HTR1F: variants seen among roughly 807,000 people sequenced by gnomAD.
The protein encoded by HTR1F is 5-hydroxytryptamine (serotonin) receptor 1F, G protein-coupled.
A neutral mutation model predicts 24.0 loss-of-function variants in HTR1F; 17 were observed. The ratio of observed to expected loss-of-function variants is 0.71; its 90% confidence interval spans 0.48 to 1.06. The LOEUF is 1.06. Ranked by LOEUF, HTR1F falls within the 50% of genes least tolerant of loss-of-function variation. HTR1F has a pLI of 0.00. For synonymous variants in HTR1F, 186 were observed against 156.8 expected, an observed-to-expected ratio of 1.19 and a Z score of -1.39; for missense variants, 391 against 427.8, an observed-to-expected ratio of 0.91 and a Z score of 0.76.
chr3:87,909,414 T>G (rs1354201279), intron 2 of HTR1F, among the ~76,000 whole-genome samples: 2 of 151,972 alleles, frequency 1.3e-5, no homozygotes, highest in Non-Finnish European at 2.9e-5. Flanking sequence ...GTGAAAAAAG[T>G]CAACTCGTTA....
rs1054204267 is a variant in HTR1F, at chr3:87,881,895, A to G, written c.-43+59771A>G. 5.6e-4 allele frequency among the ~76,000 whole-genome samples: 85 copies of G among 152,224 alleles called. 3 individuals are homozygous for G. Among genetic ancestry groups the G allele is most frequent in the Non-Finnish European group, 5.9e-5 (4 of 68,048 alleles). Reference sequence around the variant, plus strand: ...AAACTAAAGAGCTTCTGCACAGCAAAAGAAACTACCATCAGAGTGAACAGG... The same window carrying G: ...AAACTAAAGAGCTTCTGCACAGCAAGAGAAACTACCATCAGAGTGAACAGG... On this transcript the variant is annotated intron_variant, in intron 2 of 2. Coordinates refer to ENST00000319595, the MANE Select transcript of HTR1F (RefSeq NM_001322209.2).
At chr3:87,982,768 GTT>G (rs1444635079) in intron 2 of HTR1F, among the ~76,000 whole-genome samples, 2 of 152,272 alleles carry the variant, frequency 1.3e-5, no homozygotes, top group South Asian at 4.1e-4. Flanking sequence ...GCCACTATGT[GTT>G]TCCCATTTCC....
intron 2 of HTR1F, among the ~76,000 whole-genome samples, chr3:87,982,041 G>A (rs548835634): frequency 1.3e-5 from 2 of 152,006 alleles, no homozygotes; most frequent in East Asian, 3.9e-4. Context: ...TCATGTCCAA[G>A]CTTTCCGAGT....
chr3:87,925,522 A>G (rs1704105011), intron 2 of HTR1F, among the ~76,000 whole-genome samples: 1 of 152,142 alleles, frequency 6.6e-6, no homozygotes, highest in Admixed American at 6.6e-5. Context: ...GCATGGGCAT[A>G]GTGAAATAAA....
At chr3:87,850,114 A>G (rs1367824601) in intron 2 of HTR1F, among the ~76,000 whole-genome samples, 1 of 151,982 alleles carries the variant, frequency 6.6e-6, no homozygotes, top group Non-Finnish European at 1.5e-5. Flanking sequence ...CTGGGTATAT[A>G]CCCAAAGGAT....
intron 2 of HTR1F, among the ~76,000 whole-genome samples, chr3:87,884,981 T>C (rs1294366341): frequency 6.6e-6 from 1 of 152,124 alleles, no homozygotes; most frequent in Admixed American, 6.6e-5. Flanking sequence ...CAGCTCTGCA[T>C]CAAGCAGACC....
At chr3:87,950,981 C>A (rs1704821323) in intron 2 of HTR1F, among the ~76,000 whole-genome samples, 1 of 152,056 alleles carries the variant, frequency 6.6e-6, no homozygotes, top group Non-Finnish European at 1.5e-5. Context: ...TCCTTCCTGG[C>A]CCTATTTTGT....
intron 2 of HTR1F, among the ~76,000 whole-genome samples, chr3:87,953,887 C>A (rs1293424949): frequency 6.6e-6 from 1 of 151,718 alleles, no homozygotes; most frequent in Non-Finnish European, 1.5e-5. Flanking sequence ...TTTGCAGCAA[C>A]ATGGATGAAA....
At chr3:87,990,650 G>A in intron 2 of HTR1F, 58 bp from the exon 3 acceptor site, 1 of 804,106 alleles carries the variant, frequency 1.2e-6, no homozygotes, top group Non-Finnish European at 2.0e-6. Context: ...TATTCTGAAA[G>A]GAAGAGAAAA....
intron 1 of HTR1F, among the ~76,000 whole-genome samples, chr3:87,807,159 T>TA (rs1704087093): frequency 6.6e-6 from 1 of 151,998 alleles, no homozygotes; most frequent in Non-Finnish European, 1.5e-5. Context: ...TCTATTTCTG[T>TA]AAAAAATCTC....
intron 2 of HTR1F, among the ~76,000 whole-genome samples, chr3:87,925,947 T>C (rs1182006488): frequency 4.6e-5 from 7 of 152,204 alleles, no homozygotes; most frequent in Non-Finnish European, 8.8e-5. Flanking sequence ...AATGTAGTTA[T>C]GTATTTGTTG....
intron 2 of HTR1F, among the ~76,000 whole-genome samples, chr3:87,853,703 C>A (rs1390589231): frequency 6.6e-6 from 1 of 152,066 alleles, no homozygotes; most frequent in East Asian, 1.9e-4. Context: ...GTTTCTTTTC[C>A]TCTGCAACGT....
intron 2 of HTR1F, among the ~76,000 whole-genome samples, chr3:87,837,287 C>T (rs1704702180): frequency 6.6e-6 from 1 of 152,004 alleles, no homozygotes; most frequent in Admixed American, 6.6e-5. Flanking sequence ...CTCAGTTCTG[C>T]TTTTCTCTGT....
intron 2 of HTR1F, among the ~76,000 whole-genome samples, chr3:87,920,416 A>G (rs1703989212): frequency 6.6e-6 from 1 of 151,994 alleles, no homozygotes; most frequent in Non-Finnish European, 1.5e-5. Context: ...AAAAACAAGC[A>G]TATCTCTGAA....
At chr3:87,866,037 T>G (rs2107240911) in intron 2 of HTR1F, among the ~76,000 whole-genome samples, 1 of 152,344 alleles carries the variant, frequency 6.6e-6, no homozygotes, top group Admixed American at 6.5e-5. Flanking sequence ...AAATTTTTCC[T>G]GTCCTAAGTT....
intron 2 of HTR1F, among the ~76,000 whole-genome samples, chr3:87,960,051 A>G (rs1369790612): frequency 2.6e-5 from 4 of 151,984 alleles, no homozygotes; most frequent in Admixed American, 2.6e-4. Context: ...TTAAAAAACA[A>G]TAATTCTCAG....
At chr3:87,938,666 G>C (rs1184615846) in intron 2 of HTR1F, among the ~76,000 whole-genome samples, 1 of 152,014 alleles carries the variant, frequency 6.6e-6, no homozygotes, top group Non-Finnish European at 1.5e-5. Context: ...TTTAACAAAA[G>C]TGACAAAAAC....
chr3:87,795,267 A>T (rs1559585763), intron 1 of HTR1F, among the ~76,000 whole-genome samples: 2 of 152,222 alleles, frequency 1.3e-5, no homozygotes, highest in African/African-American at 4.8e-5. Flanking sequence ...TACAGGCGTG[A>T]GCCACAGCGC....
chr3:87,881,770 T>G (rs1325095817), intron 2 of HTR1F, among the ~76,000 whole-genome samples: 2 of 152,096 alleles, frequency 1.3e-5, no homozygotes, highest in Non-Finnish European at 2.9e-5. Context: ...GAAGAAAACC[T>G]AGGCAATACC....
Sources: gnomAD v4.1 joint callset for allele counts (sites outside exome capture counted in the v4.1 genomes callset) on GRCh38, gnomAD v4.1.1 for gene constraint, MANE v1.5 for transcripts, NCBI Gene and HGNC (gene_info 2026-07-23, HGNC 2026-07-21) for gene names.